KPNA3: variants seen among roughly 807,000 people sequenced by gnomAD.
KPNA3 encodes the protein karyopherin subunit alpha 3.
Under a neutral mutation model 73.8 loss-of-function variants are expected in KPNA3, and 13 were observed. The ratio of observed to expected loss-of-function variants is 0.18; its 90% CI spans 0.11 to 0.28. The LOEUF (loss-of-function observed/expected upper bound fraction) is 0.28. Among genes scored for constraint, KPNA3 ranks in the 10% least tolerant of loss-of-function variants. The probability of loss-of-function intolerance (pLI) is 1.00; values close to 1 mark genes in which losing one functional copy is unlikely to be tolerated. For synonymous variants in KPNA3, 186 were observed against 206.9 expected (o/e 0.90, Z 0.87); for missense variants, 360 against 618.1 (o/e 0.58, Z 4.43).
intron 1 of KPNA3, among the ~76,000 whole-genome samples, chr13:49,778,527 TA>T (rs1194925413): frequency 2.0e-5 from 3 of 152,390 alleles, no homozygotes; most frequent in Non-Finnish European, 4.4e-5. Flanking sequence ...TAACAAGATA[TA>T]AATTACACAA....
chr13:49,742,338 G>A lies in KPNA3; in HGVS notation c.114+4611C>T, dbSNP rs187577906. ...ATTTCCTTTCCAGTTACTATGGTTC[G>A]ATTTCTGAAAATACTTGTAGTAGGA... On this transcript the variant is annotated intron_variant, in intron 2 of 16. Coordinates refer to ENST00000261667, the MANE Select transcript of KPNA3 (RefSeq NM_002267.4). 1.1e-4 allele frequency among the ~76,000 whole-genome samples: 17 copies of A among 151,456 alleles called. 1 individual carries two copies. Among genetic ancestry groups the A allele is most frequent in the Admixed American group, 7.3e-4 (11 of 15,086 alleles).
chr13:49,767,035 A>G (rs1566356840), intron 1 of KPNA3, among the ~76,000 whole-genome samples: 1 of 149,112 alleles, frequency 6.7e-6, no homozygotes, highest in East Asian at 2.0e-4. Flanking sequence ...GTTCTGACTG[A>G]AAGTATAGGT....
intron 1 of KPNA3, among the ~76,000 whole-genome samples, chr13:49,761,445 T>G (rs1954759648): frequency 6.6e-6 from 1 of 152,266 alleles, no homozygotes; most frequent in African/African-American, 2.4e-5. Context: ...TTCGCTGTGT[T>G]GGCCGGGCTG....
intron 10 of KPNA3, among the ~76,000 whole-genome samples, chr13:49,717,493 G>A (rs577970293): frequency 1.1e-4 from 16 of 149,556 alleles, no homozygotes; most frequent in Non-Finnish European, 1.3e-4. Context: ...CTTAGCGAAC[G>A]TATTAGGTTA....
chr13:49,779,516 C>T (rs1954924351), intron 1 of KPNA3, among the ~76,000 whole-genome samples: 1 of 152,144 alleles, frequency 6.6e-6, no homozygotes, highest in Admixed American at 6.5e-5. Context: ...TTCTTATTCC[C>T]TTCCCCAACA....
intron 2 of KPNA3, among the ~76,000 whole-genome samples, chr13:49,733,671 A>G (rs1954493091): frequency 6.6e-6 from 1 of 152,192 alleles, no homozygotes; most frequent in South Asian, 2.1e-4. Flanking sequence ...CCAGTCCCGC[A>G]CTGACTGTAG....
chr13:49,717,429 C>CG (rs1954314185), intron 10 of KPNA3, among the ~76,000 whole-genome samples: 1 of 38,436 alleles, frequency 2.6e-5, no homozygotes, highest in Non-Finnish European at 4.9e-5. Context: ...GACTCCATCT[C>CG]GGAAAAAAAA....
intron 1 of KPNA3, among the ~76,000 whole-genome samples, chr13:49,783,339 C>T (rs921419721): frequency 6.6e-6 from 1 of 152,020 alleles, no homozygotes; most frequent in Non-Finnish European, 1.5e-5. Flanking sequence ...GAAAATTTTT[C>T]TTAACAGCAA....
chr13:49,785,745 G>A (rs75977365), intron 1 of KPNA3, among the ~76,000 whole-genome samples: 3,057 of 150,280 alleles, frequency 0.02, 41 homozygotes, highest in South Asian at 0.031. Context: ...TGCCCCATTA[G>A]TGAATTCATG....
Position 49,705,469 on chromosome 13 carries a change from A to G in KPNA3, c.1372+152T>C, listed in dbSNP as rs1954199237. On this transcript the variant is annotated intron_variant, in intron 15 of 16. Transcript: ENST00000261667. ...CTGTCTTCTGGAAAATCCTCTTGGA[A>G]TGCAAATATAGTGAATAAAGAAAAG... 3 of 821,974 alleles carry G rather than the reference A, an allele frequency of 3.6e-6. No individual in the cohort carries two copies. The African/African-American group carries it at 5.2e-5, about 14-fold the overall frequency. 50.9% of individuals were successfully genotyped at this position (821,974 alleles called of 1,614,324 possible). A position where few individuals can be genotyped will look rare whatever the true frequency, so the allele number is the denominator to read the frequency against.
chr13:49,733,282 GTT>G (rs760449062), intron 2 of KPNA3, among the ~76,000 whole-genome samples: 7 of 100,912 alleles, frequency 6.9e-5, no homozygotes, highest in Admixed American at 2.4e-4. Context: ...CCACTGTGGT[GTT>G]TTTTTTTTTT....
chr13:49,792,671 C>T lies in KPNA3; in HGVS notation c.-165G>A. 2.2e-6 allele frequency: 1 copy of T among 464,036 alleles called. No individual in the cohort carries two copies. Among genetic ancestry groups the T allele is most frequent in the South Asian group, 2.3e-5 (1 of 43,246 alleles). The allele number at this position is 464,036 out of a possible 1,614,324, so 28.7% of individuals were successfully genotyped here. On this transcript the variant is annotated 5_prime_UTR_variant, in exon 1 of 17. Transcript: ENST00000261667. ...GAGGTGGCAGTAGCGCCGGGGGAGG[C>T]GCGGGCCGACTGCCGGGCCGGGTGG...
intron 2 of KPNA3, among the ~76,000 whole-genome samples, chr13:49,738,463 C>G (rs558820442): frequency 3.3e-5 from 5 of 152,268 alleles, no homozygotes; most frequent in East Asian, 1.9e-4. Flanking sequence ...GTCATTATTA[C>G]GTTGAGGCTT....
At chr13:49,747,541 T>C (rs946486034) in intron 1 of KPNA3, among the ~76,000 whole-genome samples, 4 of 152,210 alleles carry the variant, frequency 2.6e-5, no homozygotes, top group Non-Finnish European at 5.9e-5. Flanking sequence ...CAAAATTAGC[T>C]GGGTGCAGTA....
At chr13:49,771,912 T>C (rs1324571693) in intron 1 of KPNA3, among the ~76,000 whole-genome samples, 1 of 152,180 alleles carries the variant, frequency 6.6e-6, no homozygotes, top group Non-Finnish European at 1.5e-5. Flanking sequence ...TGTCTCAGCC[T>C]CCTAAATTTT....
At chr13:49,713,557 A>G (rs1236686285) in intron 10 of KPNA3, among the ~76,000 whole-genome samples, 1 of 151,682 alleles carries the variant, frequency 6.6e-6, no homozygotes, top group Non-Finnish European at 1.5e-5. Context: ...AAAAACTTAT[A>G]CATTAATAAA....
intron 2 of KPNA3, among the ~76,000 whole-genome samples, chr13:49,742,110 A>T (rs1337693397): frequency 6.6e-5 from 10 of 152,198 alleles, no homozygotes; most frequent in Admixed American, 5.9e-4. Flanking sequence ...ATCTGCATGT[A>T]GATAGCCAGT....
intron 6 of KPNA3, among the ~76,000 whole-genome samples, chr13:49,732,136 G>A (rs1426343794): frequency 6.6e-6 from 1 of 152,062 alleles, no homozygotes; most frequent in Admixed American, 6.5e-5. Context: ...AGTTAAAACA[G>A]GCAATAAACA....
At chr13:49,747,608 C>T (rs1276377611) in intron 1 of KPNA3, among the ~76,000 whole-genome samples, 1 of 152,200 alleles carries the variant, frequency 6.6e-6, no homozygotes, top group Non-Finnish European at 1.5e-5. Flanking sequence ...ATCGCTTGAA[C>T]CTGGGAGACG....
Sources: allele counts gnomAD v4.1 joint callset (sites outside exome capture counted in the v4.1 genomes callset), GRCh38; gene constraint gnomAD v4.1.1; transcripts MANE v1.5; gene names NCBI Gene and HGNC (gene_info 2026-07-23, HGNC 2026-07-21).